ZNF429: variants seen among roughly 807,000 people sequenced by gnomAD.
The protein encoded by ZNF429 is zinc finger protein 429.
A neutral mutation model predicts 56.8 loss-of-function variants in ZNF429; 53 were observed. That is an observed-to-expected ratio of 0.93 (90% CI 0.75 to 1.17). ZNF429 has a LOEUF of 1.17. Ranked by LOEUF, ZNF429 falls within the 50% of genes most tolerant of loss-of-function variation. ZNF429 has a pLI of 0.00. For synonymous variants in ZNF429, 278 were observed against 264.7 expected, an observed-to-expected ratio of 1.05 and a Z score of -0.49; for missense variants, 849 against 788.4, an observed-to-expected ratio of 1.08 and a Z score of -0.92.
Position 21,517,116 on chromosome 19 carries a change from A to G in ZNF429, c.3+11342A>G, listed in dbSNP as rs146425130. Among the ~76,000 whole-genome samples, 470 of 152,346 alleles carry G rather than the reference A, an allele frequency of 3.1e-3. 4 individuals are homozygous for G. The highest frequency in any genetic ancestry group is 0.011 in the African/African-American group (455 of 41,576). ...TTACTATTTTGAAGTATGTACCTTCAATGCCTGGTTTGTTTAGGGTTCTAA... is the reference window on the plus strand; with the variant it reads ...TTACTATTTTGAAGTATGTACCTTCGATGCCTGGTTTGTTTAGGGTTCTAA... On this transcript the variant is annotated intron_variant, in intron 1 of 3. Transcript: ENST00000358491.
chr19:21,528,276 G>T (rs1356929389), intron 1 of ZNF429, among the ~76,000 whole-genome samples: 1 of 152,148 alleles, frequency 6.6e-6, no homozygotes, highest in Non-Finnish European at 1.5e-5. Flanking sequence ...GCTTTATGCA[G>T]AACAGGATTT....
Position 21,535,327 on chromosome 19 carries a change from CTCTTT to C in ZNF429, c.227-942_227-938del. Among the ~76,000 whole-genome samples the C allele has an allele frequency of 8.0e-3, 925 of 116,270 alleles. 106 individuals are homozygous for C. Among genetic ancestry groups the C allele is most frequent in the African/African-American group, 0.036 (862 of 23,944 alleles). 76.3% of individuals were successfully genotyped at this position (116,270 alleles called of 152,430 possible). ...TCTTTCTTTCTTTCTTTCTTTCTTT[CTCTTT>C]TCTTTTCTTTCCTTTCCTTTCTTTT... is the stretch of plus-strand genomic sequence containing the variant. On this transcript the variant is annotated intron_variant, in intron 3 of 3. Transcript: ENST00000358491.
chr19:21,508,033 A>T (rs546546329), intron 1 of ZNF429, among the ~76,000 whole-genome samples: 13 of 152,264 alleles, frequency 8.5e-5, no homozygotes, highest in African/African-American at 3.1e-4. Flanking sequence ...TGGGCAGATC[A>T]CCTGAGGTCA....
rs2033810011 is a variant in ZNF429, at chr19:21,538,460, TGTG to T, written c.*387_*389del. 6.6e-6 allele frequency among the ~76,000 whole-genome samples: 1 copy of T among 151,250 alleles called. No individual in the cohort carries two copies. Among genetic ancestry groups the T allele is most frequent in the Admixed American group, 6.6e-5 (1 of 15,162 alleles). ...ACTAAAAATACAAAAATTAGCTGGA[TGTG>T]GTGGCACATGCCTGTAGTCCTAGCT... On this transcript the variant is annotated 3_prime_UTR_variant, in exon 4 of 4. Transcript: ENST00000358491.
Position 21,537,070 on chromosome 19 carries a change from A to G in ZNF429, c.1017A>G (p.Lys339=), listed in dbSNP as rs1179183256. The change falls in exon 4 of 4, where the codon AAA becomes AAG. Residue 339 remains lysine (K), a synonymous_variant. Coordinates refer to ENST00000358491, the MANE Select transcript of ZNF429 (RefSeq NM_001001415.4). ...ATAAGAGAATACATACTGGTGAGAA[A>G]CCCTACAAATGTGAAGAATGTGGCA... The part of the protein sequence containing the change: ...TSHKRIHTGE[K]PYKCEECGKA... 6.2e-7 allele frequency: 1 copy of G among 1,613,694 alleles called. No homozygotes were observed. Among genetic ancestry groups the G allele is most frequent in the Non-Finnish European group, 8.5e-7 (1 of 1,179,884 alleles).
At chr19:21,532,119 A>G in intron 3 of ZNF429, among the ~76,000 whole-genome samples, 2 of 152,166 alleles carry the variant, frequency 1.3e-5, no homozygotes, top group African/African-American at 4.8e-5. Context: ...TATCAATGAA[A>G]GAAATTTAAA....
At chr19:21,506,384 G>A (rs1465411159) in intron 1 of ZNF429, among the ~76,000 whole-genome samples, 2 of 146,634 alleles carry the variant, frequency 1.4e-5, no homozygotes, top group Non-Finnish European at 3.0e-5. Context: ...CTTAAACCCA[G>A]GAGACCAAGA....
rs777384749 is a variant in ZNF429 at position 21,536,592 on chromosome 19, A to T, written c.539A>T (p.Lys180Ile). Residue 180 changes from lysine (K) to isoleucine (I), a missense_variant, in exon 4 of 4, where the codon AAA becomes ATA. Physicochemically the swap from Lys to Ile is moderately radical, Grantham distance 102. Transcript: ENST00000358491. ...CCTTTCCAGTGTAAAAAATGTGGCAAATCATTTTGCATGCTTTCACAACTA... is the reference window on the plus strand; with the variant it reads ...CCTTTCCAGTGTAAAAAATGTGGCATATCATTTTGCATGCTTTCACAACTA... ...KKPFQCKKCG[K>I]SFCMLSQLTQ... The T allele has an allele frequency of 1.9e-6, 3 of 1,613,806 alleles. No homozygotes were observed. Among genetic ancestry groups the T allele is most frequent in the Non-Finnish European group, 2.5e-6 (3 of 1,179,876 alleles).
intron 1 of ZNF429, among the ~76,000 whole-genome samples, chr19:21,515,993 A>G (rs2032719448): frequency 6.6e-6 from 1 of 151,886 alleles, no homozygotes; most frequent in Non-Finnish European, 1.5e-5. Context: ...TCACCCTGCA[A>G]TATAGTTTGA....
Position 21,537,895 on chromosome 19 carries a change from T to C in ZNF429, c.1842T>C (p.Ile614=), listed in dbSNP as rs199532116. The change falls in exon 4 of 4, where the codon ATT becomes ATC. Residue 614 remains isoleucine (I), a synonymous_variant. Coordinates refer to ENST00000358491, the MANE Select transcript of ZNF429 (RefSeq NM_001001415.4). ...CAAGACTTACTCAACATAAGAAAAT[T>C]CATACTAGAGAGAAACCTTACAAAT... ...RSSRLTQHKK[I]HTREKPYKCE... The C allele has an allele frequency of 8.7e-6, 14 of 1,613,808 alleles. No individual in the cohort carries two copies. The highest frequency in any genetic ancestry group is 1.2e-5 in the Non-Finnish European group (14 of 1,179,950).
intron 1 of ZNF429, chr19:21,518,952 T>G (rs1487360310): frequency 6.6e-6 from 1 of 152,246 alleles, no homozygotes; most frequent in African/African-American, 2.4e-5. Context: ...GTTGTGTTTC[T>G]GATTGCGTGG....
intron 1 of ZNF429, among the ~76,000 whole-genome samples, chr19:21,519,584 G>C (rs1330995462): frequency 6.6e-6 from 1 of 152,190 alleles, no homozygotes; most frequent in Non-Finnish European, 1.5e-5. Flanking sequence ...TACACTTTGT[G>C]CCACTGTAGG....
chr19:21,536,279 G>C lies in ZNF429; in HGVS notation c.227-1G>C, dbSNP rs776170458. On this transcript the variant is annotated splice_acceptor_variant, in intron 3 of 3. Coordinates refer to ENST00000358491, the MANE Select transcript of ZNF429 (RefSeq NM_001001415.4). LOFTEE classifies it high-confidence loss of function. ...AATTTGTTGTTTTAATTTTATTTTA[G>C]TTGTGTGTTCTCATTTTGCTGAAGA... is the stretch of plus-strand genomic sequence containing the variant. 1.3e-6 allele frequency: 2 copies of C among 1,556,854 alleles called. No individual in the cohort carries two copies. The highest frequency in any genetic ancestry group is 1.7e-6 in the Non-Finnish European group (2 of 1,156,142).
chr19:21,508,113 G>A (rs957587328), intron 1 of ZNF429, among the ~76,000 whole-genome samples: 9 of 151,974 alleles, frequency 5.9e-5, no homozygotes, highest in African/African-American at 1.5e-4. Context: ...TTAACCAGGC[G>A]TGGTGGTGCA....
chr19:21,528,941 AGAGTT>A lies in ZNF429; in HGVS notation c.4-714_4-710del, dbSNP rs1225349888. ...ACTCTCTGACAGACTGTTTTACTAT[AGAGTT>A]GATTATTTTTTCTTTATTATTAACT... On this transcript the variant is annotated intron_variant, in intron 1 of 3. Coordinates refer to ENST00000358491, the MANE Select transcript of ZNF429 (RefSeq NM_001001415.4). 13 of 152,316 alleles carry A rather than the reference AGAGTT, an allele frequency of 8.5e-5. No homozygotes were observed. The East Asian group carries it at 2.3e-3, about 27-fold the overall frequency. 9.4% of individuals were successfully genotyped at this position (152,316 alleles called of 1,614,324 possible). A position where few individuals can be genotyped will look rare whatever the true frequency, so the allele number is the denominator to read the frequency against.
chr19:21,533,141 C>T, intron 3 of ZNF429, among the ~76,000 whole-genome samples: 33 of 150,408 alleles, frequency 2.2e-4, no homozygotes, highest in African/African-American at 7.3e-5. Flanking sequence ...TTTACAGTTT[C>T]CATTCTTAAT....
intron 1 of ZNF429, among the ~76,000 whole-genome samples, chr19:21,510,023 C>T (rs1235856800): frequency 1.3e-5 from 2 of 151,972 alleles, no homozygotes; most frequent in Non-Finnish European, 2.9e-5. Flanking sequence ...ATTCTCATTA[C>T]TCAGCCTCCC....
chr19:21,534,792 GT>G, intron 3 of ZNF429, among the ~76,000 whole-genome samples: 86,207 of 143,740 alleles, frequency 0.6, 25,916 homozygotes, highest in African/African-American at 0.7. Flanking sequence ...TGTTTTTTGT[GT>G]TTTTTTTTTT....
At chr19:21,508,916 T>C (rs1467592235) in intron 1 of ZNF429, among the ~76,000 whole-genome samples, 1 of 152,236 alleles carries the variant, frequency 6.6e-6, no homozygotes, top group African/African-American at 2.4e-5. Context: ...TGAATATCTC[T>C]GTTCTATATC....
Sources: gnomAD v4.1 joint callset for allele counts (sites outside exome capture counted in the v4.1 genomes callset) on GRCh38, gnomAD v4.1.1 for gene constraint, MANE v1.5 for transcripts, NCBI Gene and HGNC (gene_info 2026-07-23, HGNC 2026-07-21) for gene names.